The following LRPPRC variants were observed in gnomAD, a reference collection of about 807,000 sequenced individuals.
LRPPRC encodes leucine-rich PPR motif-containing protein, mitochondrial.
LRPPRC carries 120 observed loss-of-function variants against 180.3 expected under a neutral mutation model. That is an observed-to-expected ratio of 0.67 (90% CI 0.57 to 0.77). The LOEUF is 0.77. LRPPRC is among the 30% of genes least tolerant of loss of function. The pLI is 0.00. For synonymous variants in LRPPRC, 723 were observed against 600.0 expected, an observed-to-expected ratio of 1.21 and a Z score of -3.00; for missense variants, 2,012 against 1,657.2, an observed-to-expected ratio of 1.21 and a Z score of -3.72.
intron 23 of LRPPRC, among the ~76,000 whole-genome samples, chr2:43,938,480 C>T (rs1672353583): frequency 1.3e-5 from 2 of 152,180 alleles, no homozygotes; most frequent in African/African-American, 4.8e-5. Flanking sequence ...TGAATAGACT[C>T]ACTTGGCCTG....
In LRPPRC at chr2:43,934,242, A is replaced by G; in HGVS notation, c.2684T>C (p.Phe895Ser). The G allele has an allele frequency of 1.2e-6, 2 of 1,612,716 alleles. No homozygotes were observed. The highest frequency in any genetic ancestry group is 1.7e-6 in the Non-Finnish European group (2 of 1,178,968). ...ATTTCCTGTTTGTAGGAAGGCAAAGAAGAGATCATAGAGCATCACCATTTC... is the reference window on the plus strand; with the variant it reads ...ATTTCCTGTTTGTAGGAAGGCAAAGGAGAGATCATAGAGCATCACCATTTC... ...QGEMVMLYDL[F>S]FAFLQTGNYK... The change falls in exon 25 of 38, where the codon TTC becomes TCC. Residue 895 changes from phenylalanine (F) to serine (S), a missense_variant. Physicochemically the swap from Phe to Ser is radical, Grantham distance 155. Transcript: ENST00000260665.
intron 11 of LRPPRC, among the ~76,000 whole-genome samples, chr2:43,970,871 G>A (rs1266812068): frequency 3.9e-5 from 6 of 152,130 alleles, no homozygotes; most frequent in Non-Finnish European, 8.8e-5. Flanking sequence ...AGGCTGTGGC[G>A]GGTGATCACG....
intron 14 of LRPPRC, among the ~76,000 whole-genome samples, chr2:43,954,890 G>C (rs1673044402): frequency 6.6e-6 from 1 of 152,064 alleles, no homozygotes; most frequent in Admixed American, 6.5e-5. Context: ...AAGTGAAAAA[G>C]AAAGATGAGT....
chr2:43,917,923 C>T (rs1256234660), intron 29 of LRPPRC, 102 bp downstream of exon 29: 6 of 769,856 alleles, frequency 7.8e-6, no homozygotes, highest in Non-Finnish European at 1.3e-5. Context: ...TAAGTCCTAT[C>T]TCTATCCTAG....
At chr2:43,987,463 C>T (rs1399289418) in intron 1 of LRPPRC, among the ~76,000 whole-genome samples, 1 of 142,064 alleles carries the variant, frequency 7.0e-6, no homozygotes, top group Non-Finnish European at 1.5e-5. Context: ...TCACTGCACT[C>T]CAGGCCGGGC....
intron 29 of LRPPRC, among the ~76,000 whole-genome samples, chr2:43,915,080 A>C (rs1055037525): frequency 7.5e-6 from 1 of 133,116 alleles, no homozygotes; most frequent in Non-Finnish European, 1.6e-5. Flanking sequence ...AAAAAAAAAA[A>C]TTAGTCAGGC....
At chr2:43,948,346 A>C (rs1183100610) in intron 17 of LRPPRC, 66 bp downstream of exon 17, 12 of 1,058,994 alleles carry the variant, frequency 1.1e-5, no homozygotes, top group Non-Finnish European at 1.6e-5. Flanking sequence ...TAAAAGCAGC[A>C]ATTTCAAATC....
At chr2:43,974,848 A>G in intron 7 of LRPPRC, 90 bp from the exon 8 acceptor site, 2 of 1,318,596 alleles carry the variant, frequency 1.5e-6, no homozygotes, top group Non-Finnish European at 2.2e-6. Context: ...TCAAAAAACT[A>G]GGGAAAAATA....
rs377297077 is a variant in LRPPRC, at chr2:43,987,623, C to T, written c.150-5189G>A. ...CTAATTATTTTATTGGGCAAAGTCT[C>T]TCAGCCTTTACATCCCATCTAGTGA... On this transcript the variant is annotated intron_variant, in intron 1 of 37. Transcript: ENST00000260665. 3.9e-5 allele frequency among the ~76,000 whole-genome samples: 6 copies of T among 152,136 alleles called. No individual in the cohort carries two copies. The East Asian group carries it at 9.7e-4, about 25-fold the overall frequency.
chr2:43,979,659 G>A (rs1022593143), intron 3 of LRPPRC, among the ~76,000 whole-genome samples, 167 bp downstream of exon 3: 2 of 151,850 alleles, frequency 1.3e-5, no homozygotes, highest in Non-Finnish European at 2.9e-5. Flanking sequence ...TATTGTTAAT[G>A]ACCCTAGATG....
chr2:43,927,972 A>G (rs889075637), intron 25 of LRPPRC, among the ~76,000 whole-genome samples: 5 of 152,248 alleles, frequency 3.3e-5, no homozygotes, highest in African/African-American at 1.2e-4. Context: ...AGAAAATGTA[A>G]TAAAAACATG....
intron 1 of LRPPRC, among the ~76,000 whole-genome samples, chr2:43,994,142 C>T (rs1446302418): frequency 6.6e-6 from 1 of 152,118 alleles, no homozygotes; most frequent in Non-Finnish European, 1.5e-5. Flanking sequence ...GAGTAATGGG[C>T]ACAACTTTCT....
intron 3 of LRPPRC, among the ~76,000 whole-genome samples, chr2:43,977,489 A>G (rs1674112159): frequency 6.6e-6 from 1 of 152,196 alleles, no homozygotes; most frequent in Admixed American, 6.5e-5. Flanking sequence ...TATAGTTACA[A>G]GTAACTGCCT....
intron 27 of LRPPRC, among the ~76,000 whole-genome samples, chr2:43,918,850 G>T (rs899874503): frequency 7.5e-5 from 11 of 146,658 alleles, no homozygotes; most frequent in South Asian, 4.3e-4. Flanking sequence ...TATATATAGA[G>T]ATATATATAT....
At position 43,918,839 on chromosome 2, in the gene LRPPRC, C is replaced by A. The variant is rs527595635; in HGVS notation, c.2897-441G>T. On this transcript the variant is annotated intron_variant, in intron 27 of 37. Transcript: ENST00000260665. ...TATATATATCTATATATAGATATCT[C>A]TATATATAGAGATATATATATAGAT... 1.5e-3 allele frequency among the ~76,000 whole-genome samples: 214 copies of A among 145,570 alleles called. 1 individual carries two copies. The highest frequency in any genetic ancestry group is 4.6e-3 in the African/African-American group (182 of 39,546).
Position 43,982,249 on chromosome 2 carries a change from GT to G in LRPPRC, c.334del (p.Thr112ProfsTer7). ...AAATTTTGAAATACCTGAGCGGCAG[GT>G]ATCATTAAAAACTTTTTGTAGAAGC... ...KKLLQKVFND[T>X]CRSGGLGGSH... is the part of the protein sequence containing the mutation. On this transcript the variant is annotated frameshift_variant, in exon 2 of 38. Transcript: ENST00000260665. LOFTEE classifies it high-confidence loss of function. The G allele has an allele frequency of 6.4e-7, 1 of 1,570,132 alleles. No homozygotes were observed. Among genetic ancestry groups the G allele is most frequent in the Non-Finnish European group, 8.6e-7 (1 of 1,161,590 alleles).
chr2:43,920,772 G>A lies in LRPPRC; in HGVS notation c.2897-2374C>T, dbSNP rs1244678704. 2.0e-5 allele frequency among the ~76,000 whole-genome samples: 3 copies of A among 152,018 alleles called. No individual in the cohort carries two copies. The East Asian group carries it at 5.8e-4, about 29-fold the overall frequency. ...TGCCAAAAGGTCCTTGTGGACTGTG[G>A]GAAGACAGGGAAGGTTTCCAACAGC... On this transcript the variant is annotated intron_variant, in intron 27 of 37. Coordinates refer to ENST00000260665, the MANE Select transcript of LRPPRC (RefSeq NM_133259.4).
At chr2:43,980,971 A>AAT (rs1674281555) in intron 2 of LRPPRC, among the ~76,000 whole-genome samples, 1 of 152,184 alleles carries the variant, frequency 6.6e-6, no homozygotes, top group South Asian at 2.1e-4. Context: ...TAACTATAGT[A>AAT]ATAATTAATA....
At chr2:43,996,129 G>C, upstream of LRPPRC, 1 of 552,870 alleles carries the variant, frequency 1.8e-6, no homozygotes, top group Middle Eastern at 4.7e-4. Flanking sequence ...AAGACCCAAT[G>C]TAATATTTAC....
Sources: allele counts gnomAD v4.1 joint callset (sites outside exome capture counted in the v4.1 genomes callset), GRCh38; gene constraint gnomAD v4.1.1; transcripts MANE v1.5; gene names NCBI Gene and HGNC (gene_info 2026-07-23, HGNC 2026-07-21).